Variants in DNMBP observed in about 807,000 individuals in gnomAD.
DNMBP encodes the protein dynamin-binding protein.
In DNMBP, 87 loss-of-function variants were observed where a neutral mutation model predicts 150.0. That is an observed-to-expected ratio of 0.58 (90% confidence interval 0.49 to 0.69). The LOEUF (loss-of-function observed/expected upper bound fraction) is 0.69, where lower values mean the gene tolerates loss of function less well. DNMBP is among the 30% of genes least tolerant of loss of function. The probability of loss-of-function intolerance (pLI) is 0.00; values close to 1 mark genes in which losing one functional copy is unlikely to be tolerated. For missense variants in DNMBP, 1,774 were observed against 1,949.0 expected (o/e 0.91, Z 1.69); for synonymous variants, 711 against 750.4 (o/e 0.95, Z 0.86).
intron 4 of DNMBP, among the ~76,000 whole-genome samples, chr10:99,939,544 T>A (rs113127520): frequency 1.8e-3 from 280 of 152,384 alleles, no homozygotes; most frequent in African/African-American, 5.7e-3. Flanking sequence ...CCTTGATCAC[T>A]CCTGGGCTTG....
chr10:99,948,780 T>C (rs1179348668), intron 4 of DNMBP, among the ~76,000 whole-genome samples: 2 of 151,944 alleles, frequency 1.3e-5, no homozygotes, highest in Non-Finnish European at 2.9e-5. Context: ...CTGACCAACA[T>C]GGTGAAACCC....
chr10:99,949,402 A>C (rs1361735059), intron 4 of DNMBP, among the ~76,000 whole-genome samples: 1 of 152,194 alleles, frequency 6.6e-6, no homozygotes, highest in African/African-American at 2.4e-5. Context: ...TTAGGCCTTA[A>C]ATTTTAAAAT....
rs1439617622 is a variant in DNMBP, at chr10:99,896,267, C to CTGAGGAGCAAAGCCAGTGA, written c.3032_3050dup (p.Gln1017HisfsTer11). On this transcript the variant is annotated frameshift_variant and splice_region_variant, in exon 10 of 17. Coordinates refer to ENST00000324109, the MANE Select transcript of DNMBP (RefSeq NM_015221.4). LOFTEE classifies it high-confidence loss of function. ...AAGCCTTCCAGGATGGGGATCTCAC[C>CTGAGGAGCAAAGCCAGTGA]TGAGGAGCAAAGCCAGTGAGATGCT... 6.2e-7 allele frequency: 1 copy of CTGAGGAGCAAAGCCAGTGA among 1,614,020 alleles called. No homozygotes were observed. Among genetic ancestry groups the CTGAGGAGCAAAGCCAGTGA allele is most frequent in the Non-Finnish European group, 8.5e-7 (1 of 1,179,934 alleles).
intron 4 of DNMBP, among the ~76,000 whole-genome samples, chr10:99,940,103 G>T (rs774914405): frequency 6.6e-6 from 1 of 152,214 alleles, no homozygotes; most frequent in Non-Finnish European, 1.5e-5. Flanking sequence ...CAGTGAATTG[G>T]TTTTGTTTGT....
At chr10:99,909,331 CAG>C (rs1367338145) in intron 4 of DNMBP, among the ~76,000 whole-genome samples, 185 bp from the exon 5 acceptor site, 1 of 152,182 alleles carries the variant, frequency 6.6e-6, no homozygotes, top group Non-Finnish European at 1.5e-5. Flanking sequence ...GCCATCACTG[CAG>C]AGAGAACTCC....
At chr10:99,970,389 C>CAT (rs1454685681) in intron 2 of DNMBP, among the ~76,000 whole-genome samples, 1 of 152,120 alleles carries the variant, frequency 6.6e-6, no homozygotes, top group Non-Finnish European at 1.5e-5. Flanking sequence ...TCGATGTGAA[C>CAT]ATATATCTTA....
At chr10:99,938,633 G>C (rs193279536) in intron 4 of DNMBP, among the ~76,000 whole-genome samples, 5 of 152,164 alleles carry the variant, frequency 3.3e-5, no homozygotes, top group Non-Finnish European at 5.9e-5. Context: ...TTCTAAGTCC[G>C]ATTGCCTTTA....
At chr10:99,982,632 C>A (rs2040790696) in intron 1 of DNMBP, among the ~76,000 whole-genome samples, 1 of 151,904 alleles carries the variant, frequency 6.6e-6, no homozygotes, top group African/African-American at 2.4e-5. Context: ...CTGTACTCCC[C>A]TAAATTAGTC....
At chr10:99,938,389 C>CA (rs1183605229) in intron 4 of DNMBP, among the ~76,000 whole-genome samples, 1 of 151,916 alleles carries the variant, frequency 6.6e-6, no homozygotes, top group African/African-American at 2.4e-5. Context: ...ACTAAAAATA[C>CA]AAAAAATTAG....
At chr10:99,975,127 A>G (rs2040715077) in intron 1 of DNMBP, among the ~76,000 whole-genome samples, 1 of 152,176 alleles carries the variant, frequency 6.6e-6, no homozygotes, top group South Asian at 2.1e-4. Flanking sequence ...TGGGAGGCTG[A>G]GGCGGGTGGA....
chr10:99,905,169 C>CA (rs1698177045), intron 6 of DNMBP, among the ~76,000 whole-genome samples: 1 of 152,206 alleles, frequency 6.6e-6, no homozygotes, highest in South Asian at 2.1e-4. Context: ...AAAACTGGGT[C>CA]ACTGTGACTT....
At chr10:99,929,442 C>A (rs2040120637) in intron 4 of DNMBP, among the ~76,000 whole-genome samples, 1 of 152,156 alleles carries the variant, frequency 6.6e-6, no homozygotes, top group African/African-American at 2.4e-5. Context: ...CTGTACAATG[C>A]CTTCCAAAGT....
At chr10:99,990,706 T>C (rs2040877536) in intron 1 of DNMBP, among the ~76,000 whole-genome samples, 1 of 150,848 alleles carries the variant, frequency 6.6e-6, no homozygotes, top group Non-Finnish European at 1.5e-5. Context: ...CACACACATA[T>C]ATACACACAT....
chr10:99,952,375 T>C (rs1426989625), intron 4 of DNMBP, among the ~76,000 whole-genome samples: 1 of 152,232 alleles, frequency 6.6e-6, no homozygotes, highest in Non-Finnish European at 1.5e-5. Context: ...TTTGGGAATG[T>C]AACACTCAGC....
intron 1 of DNMBP, among the ~76,000 whole-genome samples, chr10:99,990,836 T>TACAC (rs749042671): frequency 2.5e-4 from 18 of 71,600 alleles, no homozygotes; most frequent in African/African-American, 8.9e-4. Context: ...CATATACATA[T>TACAC]ACACACACAC....
rs117954963 is a variant in DNMBP, at chr10:99,995,525, G to A, written c.-11+14313C>T. On this transcript the variant is annotated intron_variant, in intron 1 of 16. Transcript: ENST00000324109. ...CCCTTCTACCTACCATATACACTAA[G>A]CTCTAGCCTCACCAAAATACTGGCA... Among the ~76,000 whole-genome samples, 17 of 152,246 alleles carry A rather than the reference G, an allele frequency of 1.1e-4. No homozygotes were observed. The East Asian group carries it at 2.5e-3, about 22-fold the overall frequency.
chr10:99,930,363 C>T (rs2040136634), intron 4 of DNMBP: 6 of 702,872 alleles, frequency 8.5e-6, no homozygotes, highest in Non-Finnish European at 1.3e-5. Context: ...ATTTGCCTCC[C>T]CGTATCCACC....
At chr10:99,954,716 C>T (rs1358056665) in intron 4 of DNMBP, among the ~76,000 whole-genome samples, 2 of 145,328 alleles carry the variant, frequency 1.4e-5, no homozygotes, top group African/African-American at 2.6e-5. Flanking sequence ...TGCACTCCAG[C>T]CTGGGCAACA....
At chr10:99,900,781 C>A (rs902190772) in intron 6 of DNMBP, among the ~76,000 whole-genome samples, 5 of 152,150 alleles carry the variant, frequency 3.3e-5, no homozygotes, top group African/African-American at 1.2e-4. Context: ...CAGGTACACA[C>A]CACCATACCC....
Sources: gnomAD v4.1 joint callset for allele counts (sites outside exome capture counted in the v4.1 genomes callset) on GRCh38, gnomAD v4.1.1 for gene constraint, MANE v1.5 for transcripts, NCBI Gene and HGNC (gene_info 2026-07-23, HGNC 2026-07-21) for gene names.